WSB2: variants seen among roughly 807,000 people sequenced by gnomAD.
WSB2 encodes WD repeat and SOCS box-containing protein 2.
A neutral mutation model predicts 48.8 loss-of-function variants in WSB2; 12 were observed. The observed-to-expected ratio is 0.25, with a 90% CI of 0.16 to 0.40. WSB2 has a LOEUF of 0.40. Among genes scored for constraint, WSB2 ranks in the 10% least tolerant of loss-of-function variants. The probability of loss-of-function intolerance (pLI) is 1.00; values close to 1 mark genes in which losing one functional copy is unlikely to be tolerated. For synonymous variants in WSB2, 191 were observed against 203.1 expected, an observed-to-expected ratio of 0.94 and a Z score of 0.51; for missense variants, 317 against 506.2, an observed-to-expected ratio of 0.63 and a Z score of 3.59.
At chr12:118,038,885 T>C (rs1290065208) in intron 4 of WSB2, among the ~76,000 whole-genome samples, 1 of 152,154 alleles carries the variant, frequency 6.6e-6, no homozygotes, top group Non-Finnish European at 1.5e-5. Context: ...TTCACCATAT[T>C]GGCCAGGCTG....
At chr12:118,062,058 G>A (rs999077161), upstream of WSB2, 13 of 1,522,434 alleles carry the variant, frequency 8.5e-6, no homozygotes, top group South Asian at 1.2e-5. Flanking sequence ...GATAAAAAAC[G>A]GGGCAGGAGC....
At position 118,036,525 on chromosome 12, in the gene WSB2, A is replaced by T; in HGVS notation, c.661-15T>A. On this transcript the variant is annotated splice_polypyrimidine_tract_variant and intron_variant, in intron 5 of 8. Transcript: ENST00000315436. ...CATAGAAAGACCTGTGGAAAGTAAG[A>T]AGTGCCTGGTTAGGGCAGAAGCAAA... 1 of 1,603,810 alleles carries T rather than the reference A, an allele frequency of 6.2e-7. No homozygotes were observed. The highest frequency in any genetic ancestry group is 8.5e-7 in the Non-Finnish European group (1 of 1,173,244).
chr12:118,037,159 G>A (rs555661128), intron 5 of WSB2, among the ~76,000 whole-genome samples: 1 of 152,232 alleles, frequency 6.6e-6, no homozygotes, highest in Non-Finnish European at 1.5e-5. Context: ...TCCAGCTTGG[G>A]CGAAAGAGTA....
In WSB2 at chr12:118,054,746, C is replaced by G. The variant is rs545438794; in HGVS notation, c.14-2268G>C. On this transcript the variant is annotated intron_variant, in intron 1 of 8. Transcript: ENST00000315436. ...ATATGCATTTATAGGAAAATAATAA[C>G]ATAGGTATATCTTGTTATATAAAAT... 4.0e-5 allele frequency among the ~76,000 whole-genome samples: 6 copies of G among 150,086 alleles called. No individual in the cohort carries two copies. In the South Asian group the frequency reaches 1.3e-3, roughly 32 times the overall value.
At chr12:118,036,627 T>C in intron 5 of WSB2, 117 bp from the exon 6 acceptor site, 3 of 1,095,888 alleles carry the variant, frequency 2.7e-6, no homozygotes, top group Non-Finnish European at 3.9e-6. Flanking sequence ...GCTGATTCTC[T>C]ATCCCTTTTC....
At chr12:118,043,755 C>A (rs934952295) in intron 2 of WSB2, among the ~76,000 whole-genome samples, 1 of 151,954 alleles carries the variant, frequency 6.6e-6, no homozygotes, top group Non-Finnish European at 1.5e-5. Flanking sequence ...CCACATAAGA[C>A]TTTAAATCCT....
At chr12:118,061,981 A>C, upstream of WSB2, 1 of 930,018 alleles carries the variant, frequency 1.1e-6, no homozygotes. Flanking sequence ...GGGAGAGGGA[A>C]GTGAGGAGAA....
At chr12:118,038,432 G>T in intron 4 of WSB2, 44 bp from the exon 5 acceptor site, 1 of 1,582,436 alleles carries the variant, frequency 6.3e-7, no homozygotes, top group Non-Finnish European at 8.7e-7. Flanking sequence ...CCTCAACAAA[G>T]CAGGAAGACT....
At chr12:118,056,442 C>T (rs1162732758) in intron 1 of WSB2, among the ~76,000 whole-genome samples, 1 of 152,166 alleles carries the variant, frequency 6.6e-6, no homozygotes, top group Non-Finnish European at 1.5e-5. Context: ...ACAGCTCTAT[C>T]ACCATTTGAT....
At chr12:118,037,680 A>G (rs1488024602) in intron 5 of WSB2, among the ~76,000 whole-genome samples, 1 of 149,788 alleles carries the variant, frequency 6.7e-6, no homozygotes, top group African/African-American at 2.5e-5. Flanking sequence ...AAAAAAAAAA[A>G]AAGAAAAGAA....
At chr12:118,044,067 C>A (rs1002961758) in intron 2 of WSB2, among the ~76,000 whole-genome samples, 3 of 151,654 alleles carry the variant, frequency 2.0e-5, no homozygotes, top group African/African-American at 7.3e-5. Flanking sequence ...TGCAGTGAAC[C>A]AAGACCGCAC....
At chr12:118,061,229 AG>A, upstream of WSB2, 1 of 963,262 alleles carries the variant, frequency 1.0e-6, no homozygotes, top group Non-Finnish European at 1.2e-6. Flanking sequence ...GGCGGGGCGC[AG>A]GGGAAACGGA....
chr12:118,034,197 TAA>T lies in WSB2; in HGVS notation c.1212_1213del (p.Phe404LeufsTer11). On this transcript the variant is annotated frameshift_variant and stop_lost, in exon 9 of 9. Transcript: ENST00000315436. LOFTEE classifies it high-confidence loss of function. Reference sequence around the variant, plus strand: ...AAGAAGCACAAGATGTGGTGTTGCTTAAAAAGTCCTGTATGTGAGGAACTCTT... The same window carrying T: ...AAGAAGCACAAGATGTGGTGTTGCTTAAAGTCCTGTATGTGAGGAACTCTT... 2 of 1,614,190 alleles carry T rather than the reference TAA, an allele frequency of 1.2e-6. No individual in the cohort carries two copies. The highest frequency in any genetic ancestry group is 1.7e-6 in the Non-Finnish European group (2 of 1,180,014).
rs201745633 is a variant in WSB2, at chr12:118,039,744, A to AT, written c.560-1357dup. On this transcript the variant is annotated intron_variant, in intron 4 of 8. Coordinates refer to ENST00000315436, the MANE Select transcript of WSB2 (RefSeq NM_018639.5). ...CCACAAAAATTAATATTTCTTTTTTATTTTTTTTTATTTTTTTGAGACAGA... is the reference window on the plus strand; with the variant it reads ...CCACAAAAATTAATATTTCTTTTTTATTTTTTTTTTATTTTTTTGAGACAGA... Among the ~76,000 whole-genome samples the AT allele has an allele frequency of 5.6e-4, 85 of 151,104 alleles. 1 individual carries two copies. The East Asian group carries it at 0.011, about 20-fold the overall frequency.
At chr12:118,038,488 C>T in intron 4 of WSB2, 100 bp from the exon 5 acceptor site, 1 of 1,031,128 alleles carries the variant, frequency 9.7e-7, no homozygotes, top group Non-Finnish European at 1.4e-6. Flanking sequence ...GCCCAGTATA[C>T]CCATCAGCTC....
intron 4 of WSB2, among the ~76,000 whole-genome samples, chr12:118,041,371 A>G (rs2031632960): frequency 6.6e-6 from 1 of 152,184 alleles, no homozygotes; most frequent in South Asian, 2.1e-4. Context: ...GCTCACAGAC[A>G]CCAAAACTAC....
At chr12:118,058,722 G>GT (rs1329984135) in intron 1 of WSB2, among the ~76,000 whole-genome samples, 1 of 149,056 alleles carries the variant, frequency 6.7e-6, no homozygotes, top group East Asian at 2.0e-4. Context: ...TTGAGATGGA[G>GT]TTTCACTCTT....
At chr12:118,042,578 A>T in intron 4 of WSB2, 1 of 416,324 alleles carries the variant, frequency 2.4e-6, no homozygotes, top group Non-Finnish European at 4.2e-6. Context: ...TCAGCACATA[A>T]GTAGATATAC....
In WSB2 at chr12:118,052,406, G is replaced by A. The variant is rs368891609; in HGVS notation, c.86C>T (p.Thr29Ile). 5.0e-6 allele frequency: 8 copies of A among 1,614,220 alleles called. No individual in the cohort carries two copies. The highest frequency in any genetic ancestry group is 6.8e-6 in the Non-Finnish European group (8 of 1,180,040). ...ATCTGGGGAGAAGGCGACGCTCCAG[G>A]TTTCACAGCTGGACTTCCAATCAAA... Reference protein sequence around the residue: ...HQFDWKSSCETWSVAFSPDGS... With the variant: ...HQFDWKSSCEIWSVAFSPDGS... The change falls in exon 2 of 9, where the codon ACC becomes ATC. Residue 29 changes from threonine (T) to isoleucine (I), a missense_variant. Physicochemically the swap from Thr to Ile is moderately conservative, Grantham distance 89 (BLOSUM62 -1). Transcript: ENST00000315436.
Sources: allele counts gnomAD v4.1 joint callset (sites outside exome capture counted in the v4.1 genomes callset), GRCh38; gene constraint gnomAD v4.1.1; transcripts MANE v1.5; gene names NCBI Gene and HGNC (gene_info 2026-07-23, HGNC 2026-07-21).